The following STXBP5L variants were observed in gnomAD, a reference collection of about 807,000 sequenced individuals.
The protein encoded by STXBP5L is syntaxin binding protein 5L, also known as syntaxin-binding protein 5-like.
STXBP5L carries 65 observed loss-of-function variants against 144.5 expected under a neutral mutation model. The ratio of observed to expected loss-of-function variants is 0.45; its 90% CI spans 0.37 to 0.55. The LOEUF (loss-of-function observed/expected upper bound fraction) is 0.55. Ranked by LOEUF, STXBP5L falls within the 20% of genes least tolerant of loss-of-function variation. STXBP5L has a pLI of 0.00. For missense variants in STXBP5L, 1,298 were observed against 1,405.5 expected (o/e 0.92, Z 1.22); for synonymous variants, 505 against 469.6 (o/e 1.08, Z -0.97).
intron 3 of STXBP5L, among the ~76,000 whole-genome samples, chr3:120,980,956 A>T (rs1374817146): frequency 6.6e-6 from 1 of 152,090 alleles, no homozygotes; most frequent in Non-Finnish European, 1.5e-5. Context: ...TATTTTCATT[A>T]ATGAAGCTTA....
rs547095701 is a variant in STXBP5L at position 121,067,238 on chromosome 3, C to G, written c.470+21703C>G. Among the ~76,000 whole-genome samples the G allele has an allele frequency of 1.2e-3, 184 of 151,988 alleles. 2 individuals are homozygous for G. The highest frequency in any genetic ancestry group is 1.5e-4 in the Non-Finnish European group (10 of 67,922). On this transcript the variant is annotated intron_variant, in intron 5 of 26. Transcript: ENST00000471454. ...ATTAATGAGATGGAACCTTACATAA[C>G]TGATTTCAATATTTTTTCTTCTTTA...
chr3:121,335,242 G>C (rs903127499), intron 20 of STXBP5L, among the ~76,000 whole-genome samples: 50 of 152,016 alleles, frequency 3.3e-4, no homozygotes, highest in African/African-American at 1.2e-3. Flanking sequence ...TAGTAATACA[G>C]CTTAAAAGGA....
intron 9 of STXBP5L, among the ~76,000 whole-genome samples, chr3:121,174,298 A>G (rs1263841921): frequency 6.6e-6 from 1 of 152,168 alleles, no homozygotes; most frequent in Non-Finnish European, 1.5e-5. Flanking sequence ...TTATGGTAGT[A>G]AATGATAATA....
At chr3:121,168,385 G>A (rs927315578) in intron 9 of STXBP5L, among the ~76,000 whole-genome samples, 2 of 152,024 alleles carry the variant, frequency 1.3e-5, no homozygotes, top group Non-Finnish European at 2.9e-5. Flanking sequence ...GTAATAACAA[G>A]CTCCTCTGAG....
At chr3:121,207,686 A>G (rs924736049) in intron 10 of STXBP5L, among the ~76,000 whole-genome samples, 1 of 152,248 alleles carries the variant, frequency 6.6e-6, no homozygotes, top group Non-Finnish European at 1.5e-5. Flanking sequence ...ATGAACAGAC[A>G]TTTCTCAAAA....
chr3:121,031,061 G>A (rs950816799), intron 3 of STXBP5L, among the ~76,000 whole-genome samples: 1 of 152,008 alleles, frequency 6.6e-6, no homozygotes, highest in African/African-American at 2.4e-5. Flanking sequence ...TTTATTGCAT[G>A]TGAGAATTAC....
rs149191533 is a variant in STXBP5L, at chr3:120,945,905, C to G, written c.190-9035C>G. 5.3e-3 allele frequency among the ~76,000 whole-genome samples: 811 copies of G among 151,808 alleles called. 3 individuals carry two copies. The highest frequency in any genetic ancestry group is 9.6e-3 in the Non-Finnish European group (652 of 67,818). On this transcript the variant is annotated intron_variant, in intron 2 of 26. Transcript: ENST00000471454. ...TTATCTCAGACATGCAAGCATGAAC[C>G]CTTCATGCTTTTCGCTTTTCCAGCT...
chr3:121,248,590 A>C (rs1374429295), intron 14 of STXBP5L, among the ~76,000 whole-genome samples: 1 of 152,078 alleles, frequency 6.6e-6, no homozygotes, highest in Non-Finnish European at 1.5e-5. Flanking sequence ...CCCATTGTGT[A>C]GGTTGTCTGT....
At chr3:121,066,185 C>T (rs1471534951) in intron 5 of STXBP5L, among the ~76,000 whole-genome samples, 2 of 152,064 alleles carry the variant, frequency 1.3e-5, no homozygotes, top group Non-Finnish European at 2.9e-5. Context: ...CCTCTATAGG[C>T]CTCCAGTACA....
chr3:121,396,706 G>T (rs1006142111), intron 22 of STXBP5L, among the ~76,000 whole-genome samples: 1 of 152,200 alleles, frequency 6.6e-6, no homozygotes, highest in African/African-American at 2.4e-5. Flanking sequence ...GAGACCAGAG[G>T]CATTAACATG....
intron 9 of STXBP5L, among the ~76,000 whole-genome samples, chr3:121,163,057 A>C (rs1321452624): frequency 6.6e-6 from 1 of 152,188 alleles, no homozygotes; most frequent in African/African-American, 2.4e-5. Context: ...TTGACCCAGC[A>C]ATCCCATTAC....
chr3:121,384,513 T>C lies in STXBP5L; in HGVS notation c.2587+2981T>C, dbSNP rs536504918. 2.6e-5 allele frequency among the ~76,000 whole-genome samples: 4 copies of C among 152,122 alleles called. No homozygotes were observed. In the South Asian group the frequency reaches 6.2e-4, roughly 24 times the overall value. On this transcript the variant is annotated intron_variant, in intron 22 of 26. Transcript: ENST00000471454. ...ACCCTGTCTCTAGAAAAAAAATTTT[T>C]TTGAAAGACTAAAGTCAGTACAGTG...
intron 9 of STXBP5L, among the ~76,000 whole-genome samples, chr3:121,188,937 T>C (rs534136557): frequency 6.6e-5 from 10 of 152,304 alleles, no homozygotes; most frequent in East Asian, 3.9e-4. Context: ...CTATTCAACA[T>C]AGTTTTGAAA....
intron 9 of STXBP5L, among the ~76,000 whole-genome samples, chr3:121,176,206 G>T (rs1329162887): frequency 6.6e-6 from 1 of 151,902 alleles, no homozygotes; most frequent in Non-Finnish European, 1.5e-5. Context: ...TGACCTAACT[G>T]ACATATATAG....
chr3:121,351,214 C>G (rs1052180086), intron 20 of STXBP5L, among the ~76,000 whole-genome samples: 5 of 152,102 alleles, frequency 3.3e-5, no homozygotes, highest in African/African-American at 9.7e-5. Context: ...TGGAGTTTGC[C>G]TGAGTTCCAC....
intron 2 of STXBP5L, among the ~76,000 whole-genome samples, chr3:120,928,668 G>T (rs576841882): frequency 6.9e-6 from 1 of 144,558 alleles, no homozygotes; most frequent in South Asian, 2.2e-4. Context: ...GTGTGTGTGT[G>T]TGTGTGTGTC....
chr3:121,044,025 G>A (rs1303871295), intron 4 of STXBP5L, among the ~76,000 whole-genome samples: 1 of 152,026 alleles, frequency 6.6e-6, no homozygotes, highest in East Asian at 1.9e-4. Context: ...TTTATAGGAA[G>A]CATAAGTACA....
chr3:121,297,470 G>T lies in STXBP5L; in HGVS notation c.2110+17514G>T, dbSNP rs2051701667. Among the ~76,000 whole-genome samples the T allele has an allele frequency of 3.3e-5, 5 of 152,102 alleles. No individual in the cohort carries two copies. The South Asian group carries it at 8.3e-4, about 25-fold the overall frequency. ...ACTATTATAAGAATATATAGGAAAA[G>T]AGGCTGGGCATGGTGGCTCACGCCT... is the stretch of plus-strand genomic sequence containing the variant. On this transcript the variant is annotated intron_variant, in intron 19 of 26. Coordinates refer to ENST00000471454, the MANE Select transcript of STXBP5L (RefSeq NM_001308330.2).
intron 5 of STXBP5L, among the ~76,000 whole-genome samples, chr3:121,086,646 G>T (rs544412159): frequency 5.3e-5 from 8 of 152,148 alleles, no homozygotes; most frequent in African/African-American, 1.4e-4. Flanking sequence ...ATATTGGAAT[G>T]TTGAGATTAT....
Sources: gnomAD v4.1 joint callset for allele counts (sites outside exome capture counted in the v4.1 genomes callset) on GRCh38, gnomAD v4.1.1 for gene constraint, MANE v1.5 for transcripts, NCBI Gene and HGNC (gene_info 2026-07-23, HGNC 2026-07-21) for gene names.